The following PECAM1 variants were observed in gnomAD, a reference collection of about 807,000 sequenced individuals.
PECAM1 encodes platelet endothelial cell adhesion molecule.
A neutral mutation model predicts 13.8 loss-of-function variants in PECAM1; 8 were observed. That is an observed-to-expected ratio of 0.58 (90% CI 0.34 to 1.05). The LOEUF is 1.05. Among genes scored for constraint, PECAM1 ranks in the 50% least tolerant of loss-of-function variants. The probability of loss-of-function intolerance (pLI) is 0.03; values close to 1 mark genes in which losing one functional copy is unlikely to be tolerated. For synonymous variants in PECAM1, 136 were observed against 52.6 expected (o/e 2.58, Z -6.86); for missense variants, 304 against 141.2 (o/e 2.15, Z -5.84).
chr17:64,341,220 C>T (rs1432052376), intron 14 of PECAM1, among the ~76,000 whole-genome samples: 17 of 151,240 alleles, frequency 1.1e-4, no homozygotes, highest in South Asian at 4.2e-4. Flanking sequence ...GTCGAGATTG[C>T]ACCACTGCAC....
intron 6 of PECAM1, among the ~76,000 whole-genome samples, chr17:64,362,569 G>A (rs895987167): frequency 8.8e-4 from 134 of 151,854 alleles, no homozygotes; most frequent in African/African-American, 2.8e-3. Context: ...GGAGAATGGC[G>A]TGAACCCAGG....
intron 3 of PECAM1, among the ~76,000 whole-genome samples, chr17:64,376,240 G>T (rs1277770179): frequency 3.3e-5 from 5 of 152,106 alleles, no homozygotes; most frequent in Non-Finnish European, 7.3e-5. Context: ...CGAAGGCAGA[G>T]GTTGCAGTGA....
intron 2 of PECAM1, among the ~76,000 whole-genome samples, chr17:64,387,729 T>G (rs1598061506): frequency 6.6e-6 from 1 of 150,954 alleles, no homozygotes. Context: ...GTTGAGGGAG[T>G]TCCCTCCAGA....
chr17:64,385,260 C>T (rs1041913542), intron 2 of PECAM1, among the ~76,000 whole-genome samples: 2 of 152,162 alleles, frequency 1.3e-5, no homozygotes, highest in Non-Finnish European at 2.9e-5. Flanking sequence ...AGCCAGTGAC[C>T]ACAGTGCCAA....
Position 64,320,039 on chromosome 17 carries a change from T to C in PECAM1, c.*3777A>G, listed in dbSNP as rs2034789809. 1 of 152,142 alleles carries C rather than the reference T, an allele frequency of 6.6e-6. No individual in the cohort carries two copies. The highest frequency in any genetic ancestry group is 1.5e-5 in the Non-Finnish European group (1 of 68,040). 9.4% of individuals were successfully genotyped at this position (152,142 alleles called of 1,614,324 possible). A position where few individuals can be genotyped will look rare whatever the true frequency, so the allele number is the denominator to read the frequency against. On this transcript the variant is annotated 3_prime_UTR_variant, in exon 16 of 16. Transcript: ENST00000563924. ...CCACTCTGTGGACCCCAGGTTGAGA[T>C]CTTCTGCAGGGAAGACTGTCCTCAA...
rs186518004 is a variant in PECAM1, at chr17:64,319,797, C to T, written c.*4019G>A. On this transcript the variant is annotated 3_prime_UTR_variant, in exon 16 of 16. Coordinates refer to ENST00000563924, the MANE Select transcript of PECAM1 (RefSeq NM_000442.5). ...GTGCGCATGCTCCAGGCTGCTTGCC[C>T]AGCTCCTGAGATCTTATCGGGAAGC... 6.6e-6 allele frequency: 1 copy of T among 152,292 alleles called. No individual in the cohort carries two copies. Among genetic ancestry groups the T allele is most frequent in the East Asian group, 1.9e-4 (1 of 5,172 alleles). The allele number at this position is 152,292 out of a possible 1,614,324, so 9.4% of individuals were successfully genotyped here. A position where few individuals can be genotyped will look rare whatever the true frequency, so the allele number is the denominator to read the frequency against.
At chr17:64,351,864 A>T (rs2035732134) in intron 11 of PECAM1, among the ~76,000 whole-genome samples, 3 of 152,374 alleles carry the variant, frequency 2.0e-5, no homozygotes, top group East Asian at 3.9e-4. Context: ...AACTCCTAGG[A>T]CTGGCTACTC....
At chr17:64,338,825 C>T (rs1025087779) in intron 14 of PECAM1, among the ~76,000 whole-genome samples, 12 of 152,190 alleles carry the variant, frequency 7.9e-5, no homozygotes, top group African/African-American at 2.7e-4. Flanking sequence ...TCCCAAAGTG[C>T]TGGGATTACA....
Position 64,322,036 on chromosome 17 carries a change from G to A in PECAM1, c.*1780C>T. ...ATTTTCGTGATACAACTCGGTGTGT[G>A]TGTGTTGGGGAAAGGAACCAACAGC... On this transcript the variant is annotated 3_prime_UTR_variant, in exon 16 of 16. Coordinates refer to ENST00000563924, the MANE Select transcript of PECAM1 (RefSeq NM_000442.5). 4 of 1,175,762 alleles carry A rather than the reference G, an allele frequency of 3.4e-6. No individual in the cohort carries two copies. The highest frequency in any genetic ancestry group is 1.6e-5 in the African/African-American group (1 of 62,644). 72.8% of individuals were successfully genotyped at this position (1,175,762 alleles called of 1,614,324 possible).
At chr17:64,373,752 C>T (rs1405811299) in intron 4 of PECAM1, among the ~76,000 whole-genome samples, 5 of 152,190 alleles carry the variant, frequency 3.3e-5, no homozygotes, top group Admixed American at 3.3e-4. Context: ...CACATACACA[C>T]AATGGGCAGG....
In PECAM1 at chr17:64,363,170, T is replaced by C. The variant is rs1423605535; in HGVS notation, c.1195A>G (p.Thr399Ala). ...GIDKVVKKSN[T>A]VQIVVCEMLS... ...TCACCACATACGACTATCTGGACTG[T>C]GTTGCTTTTCTTGACCACTTTGTCA... Residue 399 changes from threonine (T) to alanine (A), a missense_variant, in exon 6 of 16, where the codon ACA becomes GCA. Transcript: ENST00000563924. 8 of 475,252 alleles carry C rather than the reference T, an allele frequency of 1.7e-5. No homozygotes were observed. In the Admixed American group the frequency reaches 2.2e-4, roughly 13 times the overall value. The allele number at this position is 475,252 out of a possible 1,614,324, so 29.4% of individuals were successfully genotyped here.
At chr17:64,336,865 A>G (rs1323178857) in intron 14 of PECAM1, among the ~76,000 whole-genome samples, 1 of 145,276 alleles carries the variant, frequency 6.9e-6, no homozygotes, top group Non-Finnish European at 1.5e-5. Context: ...CTTACAAAAA[A>G]GAAAGAAAAG....
At chr17:64,347,649 A>G (rs1328219339) in intron 13 of PECAM1, among the ~76,000 whole-genome samples, 1 of 130,802 alleles carries the variant, frequency 7.6e-6, no homozygotes, top group Non-Finnish European at 1.6e-5. Context: ...AAAATATTAT[A>G]AAATATATAT....
chr17:64,333,970 GA>G (rs2035199167), intron 14 of PECAM1, among the ~76,000 whole-genome samples: 1 of 138,244 alleles, frequency 7.2e-6, no homozygotes, highest in Non-Finnish European at 1.6e-5. Flanking sequence ...AAAAAAGGTG[GA>G]AAAAAAGCAT....
chr17:64,369,268 C>T (rs2036183993), intron 5 of PECAM1, among the ~76,000 whole-genome samples: 1 of 152,108 alleles, frequency 6.6e-6, no homozygotes, highest in Non-Finnish European at 1.5e-5. Flanking sequence ...CTAATGCTTT[C>T]TCATTTGTGG....
chr17:64,324,603 T>C (rs1467395586), intron 15 of PECAM1, among the ~76,000 whole-genome samples: 2 of 152,216 alleles, frequency 1.3e-5, no homozygotes, highest in African/African-American at 2.4e-5. Flanking sequence ...TAACGTGAGA[T>C]GTACCCGTTT....
intron 5 of PECAM1, 127 bp downstream of exon 5, chr17:64,369,623 C>G (rs2036194599): frequency 2.5e-6 from 1 of 397,210 alleles, no homozygotes; most frequent in African/African-American, 2.1e-5. Context: ...AAAGCCCCAT[C>G]TGAGCACATT....
intron 4 of PECAM1, among the ~76,000 whole-genome samples, chr17:64,373,679 TTG>T (rs1479129738): frequency 6.6e-6 from 1 of 152,048 alleles, no homozygotes; most frequent in Non-Finnish European, 1.5e-5. Context: ...TCCTGCTCTT[TTG>T]TCTGAAAATT....
rs1031023952 is a variant in PECAM1, at chr17:64,387,628, G to C, written c.91+2861C>G. ...GCCTGGCTGGCCCCCATCAGCTGAG[G>C]AGCAGGGTGCATGTGTCCTCCGAGG... is the stretch of plus-strand genomic sequence containing the variant. On this transcript the variant is annotated intron_variant, in intron 2 of 15. Transcript: ENST00000563924. Among the ~76,000 whole-genome samples the C allele has an allele frequency of 3.4e-4, 52 of 152,266 alleles. No individual in the cohort carries two copies. In the Middle Eastern group the frequency reaches 0.014, roughly 40 times the overall value.
Sources: gnomAD v4.1 joint callset for allele counts (sites outside exome capture counted in the v4.1 genomes callset) on GRCh38, gnomAD v4.1.1 for gene constraint, MANE v1.5 for transcripts, NCBI Gene and HGNC (gene_info 2026-07-23, HGNC 2026-07-21) for gene names.